Variants in PRKN observed in about 807,000 individuals in gnomAD.
PRKN encodes parkin RBR E3 ubiquitin protein ligase.
PRKN carries 56 observed loss-of-function variants against 59.5 expected under a neutral mutation model. The ratio of observed to expected loss-of-function variants is 0.94; its 90% CI spans 0.76 to 1.18. The LOEUF (loss-of-function observed/expected upper bound fraction) is 1.18. PRKN is among the 50% of genes most tolerant of loss of function. The pLI is 0.00. For missense variants in PRKN, 657 were observed against 596.4 expected (o/e 1.10, Z -1.06); for synonymous variants, 250 against 222.1 (o/e 1.13, Z -1.12).
chr6:162,655,231 T>G (rs1281607744), intron 1 of PRKN, among the ~76,000 whole-genome samples: 6 of 152,194 alleles, frequency 3.9e-5, no homozygotes, highest in Admixed American at 3.9e-4. Context: ...ACCCTGAGCT[T>G]TATCCGCCAT....
At chr6:162,424,063 C>T (rs1471389612) in intron 2 of PRKN, among the ~76,000 whole-genome samples, 1 of 152,000 alleles carries the variant, frequency 6.6e-6, no homozygotes, top group East Asian at 1.9e-4. Context: ...CAAGGAAACG[C>T]CATTCAATGC....
intron 2 of PRKN, among the ~76,000 whole-genome samples, chr6:162,361,291 C>T (rs915644806): frequency 6.6e-6 from 1 of 152,050 alleles, no homozygotes; most frequent in Admixed American, 6.6e-5. Context: ...ATATGTTGAA[C>T]CCCTAACCCC....
intron 2 of PRKN, among the ~76,000 whole-genome samples, chr6:162,295,356 G>A (rs1001023560): frequency 5.9e-5 from 9 of 152,178 alleles, no homozygotes; most frequent in African/African-American, 1.9e-4. Context: ...CTTTTTACTC[G>A]ATTGCCTTGA....
chr6:162,212,769 T>C (rs188787955), intron 3 of PRKN, among the ~76,000 whole-genome samples: 104 of 152,312 alleles, frequency 6.8e-4, no homozygotes, highest in African/African-American at 1.9e-3. Context: ...CTGGGCCCTA[T>C]GGTACAGCCT....
intron 5 of PRKN, among the ~76,000 whole-genome samples, chr6:162,020,525 A>G (rs2128275138): frequency 6.6e-6 from 1 of 152,304 alleles, no homozygotes; most frequent in South Asian, 2.1e-4. Flanking sequence ...GGCTAAACAT[A>G]CATATCTTGG....
At chr6:162,646,214 C>T (rs1407897621) in intron 1 of PRKN, among the ~76,000 whole-genome samples, 1 of 151,692 alleles carries the variant, frequency 6.6e-6, no homozygotes, top group Non-Finnish European at 1.5e-5. Context: ...GGTAAAATCA[C>T]ACAAAGAAAC....
intron 4 of PRKN, among the ~76,000 whole-genome samples, 198 bp from the exon 5 acceptor site, chr6:162,054,372 A>G (rs1036764995): frequency 6.6e-6 from 1 of 152,230 alleles, no homozygotes; most frequent in Non-Finnish European, 1.5e-5. Flanking sequence ...GTTCATCAAC[A>G]TACAAAGACG....
In PRKN at chr6:161,532,141, A is replaced by ACTCTCTCT. The variant is rs773618878; in HGVS notation, c.1083+16705_1083+16712dup. Among the ~76,000 whole-genome samples the ACTCTCTCT allele has an allele frequency of 6.4e-3, 858 of 134,296 alleles. 6 individuals are homozygous for ACTCTCTCT. The highest frequency in any genetic ancestry group is 0.022 in the African/African-American group (792 of 35,350). 88.1% of individuals were successfully genotyped at this position (134,296 alleles called of 152,430 possible). ...TCTATCCATCCTATCTCTGTCTTGCACTCTCTCTCTCTCTCTCTCTCTCTC... is the reference window on the plus strand; with the variant it reads ...TCTATCCATCCTATCTCTGTCTTGCACTCTCTCTCTCTCTCTCTCTCTCTCTCTCTCTC... On this transcript the variant is annotated intron_variant, in intron 9 of 11. Transcript: ENST00000366898.
At chr6:162,643,397 C>CAAAA (rs59995115) in intron 1 of PRKN, among the ~76,000 whole-genome samples, 36,748 of 81,968 alleles carry the variant, frequency 0.45, 9,016 homozygotes, top group Middle Eastern at 0.52. Flanking sequence ...GACTCTGCCT[C>CAAAA]AAAAAAAAAA....
intron 6 of PRKN, among the ~76,000 whole-genome samples, chr6:161,933,375 A>C (rs1265530804): frequency 6.6e-6 from 1 of 152,222 alleles, no homozygotes; most frequent in African/African-American, 2.4e-5. Flanking sequence ...TAATGTAAAT[A>C]ACATTTTCTT....
chr6:162,528,080 A>AGGGGGGGGGGGGGGGGGG (rs1562358597), intron 1 of PRKN, among the ~76,000 whole-genome samples: 1 of 27,100 alleles, frequency 3.7e-5, no homozygotes. Flanking sequence ...GGGGGGCGGG[A>AGGGGGGGGGGGGGGGGGG]GGGGTGCGGG....
rs1789549688 is a variant in PRKN, at chr6:161,447,546, T to A, written c.1084-60669A>T. 6.6e-6 allele frequency among the ~76,000 whole-genome samples: 1 copy of A among 152,074 alleles called. No individual in the cohort carries two copies. The highest frequency in any genetic ancestry group is 1.5e-5 in the Non-Finnish European group (1 of 68,024). On this transcript the variant is annotated intron_variant, in intron 9 of 11. Transcript: ENST00000366898. The surrounding 1 kb of genome is among the most constrained non-coding windows in gnomAD (Gnocchi z 4.1). ...TCTCTCTCTGTCGCCCAGGCTGGAGTGCAGTGGAGTGATCTCAGCTCACTG... is the reference window on the plus strand; with the variant it reads ...TCTCTCTCTGTCGCCCAGGCTGGAGAGCAGTGGAGTGATCTCAGCTCACTG...
At chr6:161,852,082 G>A (rs1471821783) in intron 6 of PRKN, among the ~76,000 whole-genome samples, 12 of 104,250 alleles carry the variant, frequency 1.2e-4, no homozygotes, top group South Asian at 3.7e-4. Context: ...GCAGGACTCC[G>A]TCTCAAAAAA....
chr6:162,049,865 G>C (rs1459655404), intron 5 of PRKN, among the ~76,000 whole-genome samples: 2 of 152,104 alleles, frequency 1.3e-5, no homozygotes, highest in Non-Finnish European at 2.9e-5. Context: ...CTGGTGGTAC[G>C]AATCGGACGC....
At chr6:162,686,329 T>C (rs958662004) in intron 1 of PRKN, among the ~76,000 whole-genome samples, 1 of 152,166 alleles carries the variant, frequency 6.6e-6, no homozygotes, top group Non-Finnish European at 1.5e-5. Context: ...ACTGGACATT[T>C]AATAAATGAT....
At chr6:162,207,466 G>T (rs1391202594) in intron 3 of PRKN, among the ~76,000 whole-genome samples, 1 of 152,162 alleles carries the variant, frequency 6.6e-6, no homozygotes, top group Non-Finnish European at 1.5e-5. Flanking sequence ...GTCAAACACG[G>T]AGGCTTCATT....
chr6:162,713,511 A>AAG (rs1413910440), intron 1 of PRKN, among the ~76,000 whole-genome samples: 1 of 151,528 alleles, frequency 6.6e-6, no homozygotes. Flanking sequence ...AAAAAAAAAA[A>AAG]AAAATTAGGT....
At chr6:162,119,960 G>C (rs573105951) in intron 4 of PRKN, among the ~76,000 whole-genome samples, 33 of 152,272 alleles carry the variant, frequency 2.2e-4, no homozygotes, top group African/African-American at 7.7e-4. Flanking sequence ...AGGGGAGAAA[G>C]TTATCATTAT....
chr6:161,898,443 T>G (rs1777745425), intron 6 of PRKN, among the ~76,000 whole-genome samples: 1 of 152,182 alleles, frequency 6.6e-6, no homozygotes, highest in South Asian at 2.1e-4. Flanking sequence ...AATTTTTATG[T>G]ACACTTCACA....
Sources: allele counts gnomAD v4.1 joint callset (sites outside exome capture counted in the v4.1 genomes callset), GRCh38; gene constraint gnomAD v4.1.1; non-coding constraint Gnocchi (gnomAD v3.1); transcripts MANE v1.5; gene names NCBI Gene and HGNC (gene_info 2026-07-23, HGNC 2026-07-21).